The following ALK variants were observed in gnomAD, a reference collection of about 807,000 sequenced individuals.
ALK encodes the protein ALK tyrosine kinase receptor.
Under a neutral mutation model 163.1 loss-of-function variants are expected in ALK, and 74 were observed. The observed-to-expected ratio is 0.45, with a 90% CI of 0.38 to 0.55. The LOEUF (loss-of-function observed/expected upper bound fraction) is 0.55. Ranked by LOEUF, ALK falls within the 20% of genes least tolerant of loss-of-function variation. The pLI is 0.00. For missense variants in ALK, 2,063 were observed against 2,105.3 expected, an observed-to-expected ratio of 0.98 and a Z score of 0.39; for synonymous variants, 960 against 843.2, an observed-to-expected ratio of 1.14 and a Z score of -2.40.
Position 29,527,491 on chromosome 2 carries a change from C to T in ALK, c.1154+4424G>A, listed in dbSNP as rs371024415. 5.9e-5 allele frequency among the ~76,000 whole-genome samples: 9 copies of T among 152,108 alleles called. No individual in the cohort carries two copies. The South Asian group carries it at 1.2e-3, about 21-fold the overall frequency. On this transcript the variant is annotated intron_variant, in intron 4 of 28. Transcript: ENST00000389048. ...GTGGAGATGAGTCCTGGCTTTGCCA[C>T]GAGCAGGCAGTTTTGTTTCTTAGTT...
At chr2:29,571,602 C>CTTTTTATTTTTTTTTTT (rs1674371586) in intron 3 of ALK, among the ~76,000 whole-genome samples, 1 of 68,516 alleles carries the variant, frequency 1.5e-5, no homozygotes, top group Non-Finnish European at 2.6e-5. Context: ...TGGCTCATAT[C>CTTTTTATTTTTTTTTTT]TTTTTTTTTT....
At chr2:29,534,982 C>T (rs1216054107) in intron 3 of ALK, among the ~76,000 whole-genome samples, 1 of 152,230 alleles carries the variant, frequency 6.6e-6, no homozygotes, top group Non-Finnish European at 1.5e-5. Context: ...GCTATCTCTT[C>T]ATCAGCAGCT....
At chr2:29,194,500 G>A (rs1383064649) in intron 28 of ALK, among the ~76,000 whole-genome samples, 1 of 152,016 alleles carries the variant, frequency 6.6e-6, no homozygotes, top group Admixed American at 6.6e-5. Context: ...CACAGTGCAT[G>A]TTTTTGTGTT....
chr2:29,352,638 G>A (rs1046196259), intron 5 of ALK, among the ~76,000 whole-genome samples: 10 of 152,226 alleles, frequency 6.6e-5, no homozygotes, highest in African/African-American at 2.2e-4. Context: ...TCAATCAGTG[G>A]TCAGTGAGCA....
chr2:29,604,887 A>G (rs999856923), intron 3 of ALK, among the ~76,000 whole-genome samples: 5 of 152,192 alleles, frequency 3.3e-5, no homozygotes, highest in African/African-American at 1.2e-4. Flanking sequence ...CATTGGTGTT[A>G]ACTCTTGTCT....
rs1399779091 is a variant in ALK at position 29,921,002 on chromosome 2, G to C, written c.-343C>G. On this transcript the variant is annotated 5_prime_UTR_variant, in exon 1 of 29. Transcript: ENST00000389048. ...GTACAGAGGAACTACTATGGTTGAA[G>C]GGAGGTGGCAGTTGGGTACCGTCCT... The C allele has an allele frequency of 3.0e-6, 1 of 330,844 alleles. No individual in the cohort carries two copies. The highest frequency in any genetic ancestry group is 5.5e-6 in the Non-Finnish European group (1 of 180,206). 20.5% of individuals were successfully genotyped at this position (330,844 alleles called of 1,614,324 possible).
At chr2:29,531,428 A>G (rs542200480) in intron 4 of ALK, among the ~76,000 whole-genome samples, 11 of 152,050 alleles carry the variant, frequency 7.2e-5, no homozygotes, top group African/African-American at 1.7e-4. Flanking sequence ...TCCAATCTCT[A>G]CTGAATTACA....
chr2:29,680,258 CAA>C (rs2148278120), intron 3 of ALK, among the ~76,000 whole-genome samples: 1 of 151,976 alleles, frequency 6.6e-6, no homozygotes, highest in East Asian at 1.9e-4. Flanking sequence ...ATTATTTCTT[CAA>C]AAAAATTTTG....
At chr2:29,531,812 A>C (rs1336658832) in intron 4 of ALK, 103 bp downstream of exon 4, 4 of 1,212,964 alleles carry the variant, frequency 3.3e-6, no homozygotes, top group Admixed American at 3.5e-5. Flanking sequence ...CGATTAAAGG[A>C]CAATCATGAG....
intron 1 of ALK, among the ~76,000 whole-genome samples, chr2:29,901,100 G>A (rs886079176): frequency 6.6e-6 from 1 of 152,156 alleles, no homozygotes; most frequent in Non-Finnish European, 1.5e-5. Flanking sequence ...CTCAGGCTTA[G>A]AAACCTAAGA....
chr2:29,690,648 G>A (rs1279421054), intron 3 of ALK, among the ~76,000 whole-genome samples: 3 of 152,084 alleles, frequency 2.0e-5, no homozygotes, highest in Admixed American at 2.0e-4. Context: ...ATAATATTAT[G>A]TTCCATCAAA....
At chr2:29,528,693 T>C (rs781185907) in intron 4 of ALK, among the ~76,000 whole-genome samples, 10 of 152,124 alleles carry the variant, frequency 6.6e-5, no homozygotes, top group Admixed American at 1.3e-4. Flanking sequence ...TTAGTGCCAA[T>C]GATAGCCAGG....
intron 16 of ALK, among the ~76,000 whole-genome samples, chr2:29,228,612 A>G (rs1377494593): frequency 6.6e-6 from 1 of 152,016 alleles, no homozygotes; most frequent in Non-Finnish European, 1.5e-5. Context: ...TAGTCTGGCA[A>G]GCCAAAGCCT....
intron 4 of ALK, among the ~76,000 whole-genome samples, chr2:29,419,476 C>A (rs1465199870): frequency 1.3e-5 from 2 of 151,340 alleles, no homozygotes; most frequent in African/African-American, 4.9e-5. Flanking sequence ...AGGTGAGGTC[C>A]TTCTGGGTGG....
intron 1 of ALK, among the ~76,000 whole-genome samples, chr2:29,851,548 A>C (rs1170794756): frequency 6.6e-6 from 1 of 152,102 alleles, no homozygotes; most frequent in African/African-American, 2.4e-5. Context: ...AGTTGTTCTC[A>C]AGCTTAGGTA....
intron 4 of ALK, among the ~76,000 whole-genome samples, chr2:29,517,144 G>A (rs1365154505): frequency 1.3e-5 from 2 of 152,178 alleles, no homozygotes. Flanking sequence ...AAAATGGATA[G>A]AAACACACAC....
chr2:29,241,234 A>G lies in ALK; in HGVS notation c.2205-1404T>C, dbSNP rs374975566. Among the ~76,000 whole-genome samples, 9 of 152,288 alleles carry G rather than the reference A, an allele frequency of 5.9e-5. No homozygotes were observed. The East Asian group carries it at 1.7e-3, about 30-fold the overall frequency. On this transcript the variant is annotated intron_variant, in intron 12 of 28. Coordinates refer to ENST00000389048, the MANE Select transcript of ALK (RefSeq NM_004304.5). The stretch of plus-strand genomic sequence containing the variant: ...TGAGGAGACGATCTTCATGATGAAA[A>G]GAGAAGTCTCACCATAGGGTGGCTA...
chr2:29,560,189 G>A (rs1472623965), intron 3 of ALK, among the ~76,000 whole-genome samples: 2 of 152,066 alleles, frequency 1.3e-5, no homozygotes, highest in East Asian at 3.8e-4. Context: ...GCCAAAGAGT[G>A]GAAATAACTC....
At chr2:29,831,028 A>AGG (rs1665378377) in intron 1 of ALK, among the ~76,000 whole-genome samples, 1 of 36,540 alleles carries the variant, frequency 2.7e-5, no homozygotes, top group Non-Finnish European at 5.3e-5. Context: ...GAGGAAGGGG[A>AGG]AGGAGGAGGA....
Sources: allele counts gnomAD v4.1 joint callset (sites outside exome capture counted in the v4.1 genomes callset), GRCh38; gene constraint gnomAD v4.1.1; transcripts MANE v1.5; gene names NCBI Gene and HGNC (gene_info 2026-07-23, HGNC 2026-07-21).